The following ANO10 variants were observed in gnomAD, a reference collection of about 807,000 sequenced individuals.
ANO10 encodes the protein anoctamin 10, also known as anoctamin-10.
ANO10 carries 77 observed loss-of-function variants against 74.7 expected under a neutral mutation model. The observed-to-expected ratio is 1.03, with a 90% CI of 0.86 to 1.25. ANO10 has a LOEUF of 1.25. Among genes scored for constraint, ANO10 ranks in the 50% most tolerant of loss-of-function variants. ANO10 has a pLI of 0.00. For synonymous variants in ANO10, 279 were observed against 284.9 expected, an observed-to-expected ratio of 0.98 and a Z score of 0.21; for missense variants, 721 against 778.1, an observed-to-expected ratio of 0.93 and a Z score of 0.87.
At chr3:43,505,856 G>A (rs947424028) in intron 11 of ANO10, among the ~76,000 whole-genome samples, 1 of 152,036 alleles carries the variant, frequency 6.6e-6, no homozygotes, top group South Asian at 2.1e-4. Context: ...TGTATAATAG[G>A]GCTAAAAGAT....
chr3:43,417,051 C>G (rs143598309), intron 12 of ANO10, among the ~76,000 whole-genome samples: 5 of 152,284 alleles, frequency 3.3e-5, no homozygotes, highest in African/African-American at 1.2e-4. Flanking sequence ...CATAGTGATA[C>G]AGGAGTTAAG....
intron 2 of ANO10, among the ~76,000 whole-genome samples, chr3:43,602,899 T>C (rs181810749): frequency 6.6e-6 from 1 of 152,332 alleles, no homozygotes; most frequent in East Asian, 1.9e-4. Context: ...ATAACATGCT[T>C]ATAGAGCTAT....
chr3:43,490,034 G>C (rs1453960401), intron 11 of ANO10, among the ~76,000 whole-genome samples: 2 of 152,174 alleles, frequency 1.3e-5, no homozygotes, highest in Non-Finnish European at 2.9e-5. Context: ...AGAAGTCCTT[G>C]AATATTATTT....
chr3:43,557,759 C>T (rs2079829036), intron 9 of ANO10, among the ~76,000 whole-genome samples: 1 of 140,312 alleles, frequency 7.1e-6, no homozygotes, highest in African/African-American at 2.7e-5. Flanking sequence ...AAAAAAAAGA[C>T]GTTTTGTTTA....
intron 11 of ANO10, among the ~76,000 whole-genome samples, chr3:43,438,201 A>G (rs1337353169): frequency 6.6e-6 from 1 of 152,172 alleles, no homozygotes; most frequent in Non-Finnish European, 1.5e-5. Flanking sequence ...TGGGAGGCCA[A>G]GGTGGAGGAT....
intron 11 of ANO10, among the ~76,000 whole-genome samples, chr3:43,490,852 T>C (rs1575248891): frequency 6.6e-6 from 1 of 152,124 alleles, no homozygotes; most frequent in Non-Finnish European, 1.5e-5. Context: ...GGTCAGGCGG[T>C]TGCTGACTCT....
chr3:43,387,647 T>G (rs935364445), intron 12 of ANO10, among the ~76,000 whole-genome samples: 2 of 152,162 alleles, frequency 1.3e-5, no homozygotes, highest in African/African-American at 4.8e-5. Flanking sequence ...CTGAACACCA[T>G]AAACACTGTG....
intron 6 of ANO10, 125 bp downstream of exon 6, chr3:43,576,567 T>C (rs2081002772): frequency 3.1e-6 from 3 of 963,366 alleles, no homozygotes; most frequent in Non-Finnish European, 4.7e-6. Flanking sequence ...TTTTTCCTTA[T>C]GTCTCTATAA....
At chr3:43,574,921 G>T in intron 6 of ANO10, 57 bp from the exon 7 acceptor site, 1 of 1,453,662 alleles carries the variant, frequency 6.9e-7, no homozygotes, top group Non-Finnish European at 9.7e-7. Context: ...CGAAAGCACT[G>T]TTATGAGGTA....
At chr3:43,584,491 G>T (rs1324704074) in intron 4 of ANO10, among the ~76,000 whole-genome samples, 1 of 152,168 alleles carries the variant, frequency 6.6e-6, no homozygotes, top group South Asian at 2.1e-4. Flanking sequence ...GGGAGCCACC[G>T]GACTAAGCAG....
At chr3:43,517,512 T>C (rs1026857588) in intron 11 of ANO10, among the ~76,000 whole-genome samples, 1 of 152,144 alleles carries the variant, frequency 6.6e-6, no homozygotes. Context: ...GGCCATGATA[T>C]GATAGGACTA....
intron 1 of ANO10, among the ~76,000 whole-genome samples, chr3:43,661,973 C>G (rs969904977): frequency 6.6e-6 from 1 of 152,146 alleles, no homozygotes; most frequent in African/African-American, 2.4e-5. Flanking sequence ...TGTAACACCC[C>G]ACTGTCAATA....
At chr3:43,468,945 C>T (rs184465971) in intron 11 of ANO10, among the ~76,000 whole-genome samples, 102 of 151,182 alleles carry the variant, frequency 6.7e-4, no homozygotes, top group African/African-American at 2.4e-3. Flanking sequence ...CTCCTGACCT[C>T]GTGATCCACC....
chr3:43,667,889 A>G (rs1426541949), intron 1 of ANO10, among the ~76,000 whole-genome samples: 2 of 152,226 alleles, frequency 1.3e-5, no homozygotes, highest in East Asian at 3.9e-4. Flanking sequence ...ATTGCCAATC[A>G]TGGAGAAACA....
intron 11 of ANO10, among the ~76,000 whole-genome samples, chr3:43,478,528 T>C (rs929782423): frequency 3.9e-5 from 6 of 152,230 alleles, no homozygotes; most frequent in African/African-American, 1.4e-4. Flanking sequence ...GTAGTGACTA[T>C]GTGTGAGTGA....
intron 11 of ANO10, among the ~76,000 whole-genome samples, chr3:43,436,626 A>G (rs2093071443): frequency 2.0e-5 from 3 of 152,182 alleles, no homozygotes; most frequent in Admixed American, 1.3e-4. Flanking sequence ...AGGACCAGAG[A>G]AAATTAGCAC....
intron 12 of ANO10, among the ~76,000 whole-genome samples, chr3:43,420,463 A>G (rs2092803565): frequency 6.6e-6 from 1 of 152,182 alleles, no homozygotes; most frequent in Non-Finnish European, 1.5e-5. Context: ...AAAAAAGAAA[A>G]AGAAAAACAA....
chr3:43,443,620 A>G (rs1389937366), intron 11 of ANO10, among the ~76,000 whole-genome samples: 1 of 152,094 alleles, frequency 6.6e-6, no homozygotes, highest in Non-Finnish European at 1.5e-5. Context: ...GAGTCAAAAC[A>G]ATGAGAGAGG....
At chr3:43,408,102 A>T (rs1227740424) in intron 12 of ANO10, among the ~76,000 whole-genome samples, 1 of 152,184 alleles carries the variant, frequency 6.6e-6, no homozygotes, top group Non-Finnish European at 1.5e-5. Flanking sequence ...GGAGGAAAGG[A>T]TGAGAGTGCA....
Sources: allele counts gnomAD v4.1 joint callset (sites outside exome capture counted in the v4.1 genomes callset), GRCh38; gene constraint gnomAD v4.1.1; transcripts MANE v1.5; gene names NCBI Gene and HGNC (gene_info 2026-07-23, HGNC 2026-07-21).